GPATCH1: variants seen among roughly 807,000 people sequenced by gnomAD.
The protein encoded by GPATCH1 is G-patch domain containing 1.
GPATCH1 carries 73 observed loss-of-function variants against 114.9 expected under a neutral mutation model. The ratio of observed to expected loss-of-function variants is 0.64; its 90% CI spans 0.53 to 0.77. The LOEUF is 0.77. Ranked by LOEUF, GPATCH1 falls within the 30% of genes least tolerant of loss-of-function variation. The pLI, the probability that GPATCH1 is intolerant of heterozygous loss-of-function variation, is 0.00. For synonymous variants in GPATCH1, 391 were observed against 428.4 expected (o/e 0.91, Z 1.08); for missense variants, 1,058 against 1,144.3 (o/e 0.92, Z 1.09).
rs1461876759 is a variant in GPATCH1, at chr19:33,109,863, C to G, written c.1432C>G (p.Pro478Ala). The G allele has an allele frequency of 2.5e-6, 4 of 1,614,136 alleles. No homozygotes were observed. The South Asian group carries it at 4.4e-5, about 18-fold the overall frequency. The change falls in exon 11 of 20, where the codon CCT becomes GCT. Residue 478 changes from proline (P) to alanine (A), a missense_variant. Around this residue, in one of 3 missense-constraint regions of GPATCH1, gnomAD observed 893 missense variants for 977.4 expected, o/e 0.91. Coordinates refer to ENST00000170564, the MANE Select transcript of GPATCH1 (RefSeq NM_018025.3). ...NAQSSRAQLS[P>A]AAAAGHCSWN... ...TCAGAGCAGCAGAGCCCAGCTCTCC[C>G]CTGCAGCGGCTGCTGGGCACTGCTC...
At chr19:33,096,180 C>A in intron 6 of GPATCH1, 27 bp from the exon 7 acceptor site, 1 of 1,608,814 alleles carries the variant, frequency 6.2e-7, no homozygotes. Flanking sequence ...CAGTGACTCA[C>A]CTTAATTCCA....
At chr19:33,129,681 C>A (rs1973081179) in intron 19 of GPATCH1, among the ~76,000 whole-genome samples, 1 of 152,134 alleles carries the variant, frequency 6.6e-6, no homozygotes, top group South Asian at 2.1e-4. Context: ...GGTACGGTGG[C>A]TCATGCCTGT....
rs1221367772 is a variant in GPATCH1, at chr19:33,081,312, G to A, written c.73+46G>A. ...CGGAGCCTGTGGAAAACAGGCCAAG[G>A]GCCCAGGATTCGGGCCACAAAAGCA... On this transcript the variant is annotated intron_variant, in intron 1 of 19. Coordinates refer to ENST00000170564, the MANE Select transcript of GPATCH1 (RefSeq NM_018025.3). 2.0e-6 allele frequency: 3 copies of A among 1,475,048 alleles called. No homozygotes were observed. The East Asian group carries it at 7.4e-5, about 36-fold the overall frequency. The allele number at this position is 1,475,048 out of a possible 1,614,324, so 91.4% of individuals were successfully genotyped here.
chr19:33,119,792 G>A (rs868013336), intron 17 of GPATCH1, among the ~76,000 whole-genome samples: 1 of 151,458 alleles, frequency 6.6e-6, no homozygotes, highest in Admixed American at 6.6e-5. Flanking sequence ...GGGCGAGGTG[G>A]GAGGATTGCT....
intron 17 of GPATCH1, among the ~76,000 whole-genome samples, chr19:33,119,495 C>T (rs551079241): frequency 6.7e-5 from 10 of 150,374 alleles, no homozygotes; most frequent in East Asian, 4.0e-4. Flanking sequence ...GTCAAGAGAT[C>T]GAGACCATTC....
At chr19:33,120,036 A>G (rs1479531918) in intron 17 of GPATCH1, among the ~76,000 whole-genome samples, 1 of 137,370 alleles carries the variant, frequency 7.3e-6, no homozygotes, top group Admixed American at 7.5e-5. Context: ...ATATTTATAT[A>G]TTTATATTTT....
intron 7 of GPATCH1, among the ~76,000 whole-genome samples, chr19:33,096,786 G>GTGCCACCATT (rs1972665167): frequency 6.6e-6 from 1 of 150,614 alleles, no homozygotes; most frequent in African/African-American, 2.4e-5. Flanking sequence ...GTGCCACCAT[G>GTGCCACCATT]CCCCACTAAT....
At chr19:33,090,715 A>T in intron 2 of GPATCH1, 65 bp from the exon 3 acceptor site, 1 of 955,378 alleles carries the variant, frequency 1.0e-6, no homozygotes, top group Non-Finnish European at 1.7e-6. Flanking sequence ...CATGTTATTT[A>T]ATCATTTACT....
intron 8 of GPATCH1, among the ~76,000 whole-genome samples, chr19:33,099,130 A>C (rs1972696464): frequency 6.7e-6 from 1 of 148,652 alleles, no homozygotes; most frequent in African/African-American, 2.4e-5. Flanking sequence ...TATTTTATAT[A>C]ATTAATATAT....
chr19:33,099,495 TC>T (rs1294118780), intron 8 of GPATCH1, among the ~76,000 whole-genome samples: 4 of 151,628 alleles, frequency 2.6e-5, no homozygotes, highest in East Asian at 1.9e-4. Context: ...GCTTCCTCTC[TC>T]CCCCCCTGCA....
Position 33,106,795 on chromosome 19 carries a change from T to C in GPATCH1, c.1181T>C (p.Leu394Ser). 6.2e-7 allele frequency: 1 copy of C among 1,613,712 alleles called. No homozygotes were observed. Among genetic ancestry groups the C allele is most frequent in the Non-Finnish European group, 8.5e-7 (1 of 1,179,898 alleles). The change falls in exon 10 of 20, where the codon TTA becomes TCA. Residue 394 changes from leucine to serine, a missense_variant. By Grantham distance (145) the Leu-to-Ser change is moderately radical (BLOSUM62 -2). Transcript: ENST00000170564. ...GAGAACTCACACTTACTGCAGGTAT[T>C]ATCAGAGTCAGCTGGAAAGGCAACG... ...TSENSHLLQV[L>S]SESAGKATPD...
At chr19:33,112,796 AAAAC>A (rs1215696256) in intron 13 of GPATCH1, 183 bp downstream of exon 13, 20 of 483,888 alleles carry the variant, frequency 4.1e-5, no homozygotes, top group African/African-American at 1.2e-4. Flanking sequence ...ATTTGTTACT[AAAAC>A]AAAATCTGGA....
intron 2 of GPATCH1, 135 bp from the exon 3 acceptor site, chr19:33,090,635 TTACGTCTATA>T: frequency 3.5e-6 from 2 of 563,438 alleles, no homozygotes; most frequent in South Asian, 4.9e-5. Flanking sequence ...TGTGGAATAA[TTACGTCTATA>T]TAAGCACTGA....
At chr19:33,105,424 A>G (rs1349603102) in intron 9 of GPATCH1, among the ~76,000 whole-genome samples, 1 of 151,410 alleles carries the variant, frequency 6.6e-6, no homozygotes, top group Non-Finnish European at 1.5e-5. Flanking sequence ...AAAAAAAAAA[A>G]AAAAGAAAAA....
At chr19:33,092,928 C>T (rs1014129026) in intron 3 of GPATCH1, among the ~76,000 whole-genome samples, 2 of 152,182 alleles carry the variant, frequency 1.3e-5, no homozygotes, top group African/African-American at 4.8e-5. Flanking sequence ...GTGGCTCATG[C>T]CTGTAATCCC....
chr19:33,105,437 A>G (rs1436296059), intron 9 of GPATCH1, among the ~76,000 whole-genome samples: 1 of 151,656 alleles, frequency 6.6e-6, no homozygotes, highest in African/African-American at 2.4e-5. Flanking sequence ...AAGAAAAAGA[A>G]AAAAGAAAGC....
At position 33,113,872 on chromosome 19, in the gene GPATCH1, T is replaced by C. The variant is rs1972886861; in HGVS notation, c.1998T>C (p.Ser666=). 1 of 1,613,970 alleles carries C rather than the reference T, an allele frequency of 6.2e-7. No individual in the cohort carries two copies. Among genetic ancestry groups the C allele is most frequent in the Non-Finnish European group, 8.5e-7 (1 of 1,179,960 alleles). Reference sequence around the variant, plus strand: ...CCTTGCCCACCACTCAAGCATCAAGTGAAAAAGTATCACAGCACCGAGGTC... The same window carrying C: ...CCTTGCCCACCACTCAAGCATCAAGCGAAAAAGTATCACAGCACCGAGGTC... ...TASLPTTQAS[S]EKVSQHRGPD... Residue 666 remains serine (S), a synonymous_variant, in exon 14 of 20, where the codon AGT becomes AGC. Coordinates refer to ENST00000170564, the MANE Select transcript of GPATCH1 (RefSeq NM_018025.3).
intron 1 of GPATCH1, among the ~76,000 whole-genome samples, chr19:33,087,586 T>C (rs1972546024): frequency 6.6e-6 from 1 of 152,064 alleles, no homozygotes; most frequent in Admixed American, 6.6e-5. Flanking sequence ...GGTATGGAAG[T>C]GTATCTCTCC....
chr19:33,115,999 T>C (rs916255705), intron 15 of GPATCH1, among the ~76,000 whole-genome samples: 1 of 152,194 alleles, frequency 6.6e-6, no homozygotes, highest in African/African-American at 2.4e-5. Context: ...ATAATTTTTA[T>C]ATTCCATTTG....
Sources: gnomAD v4.1 joint callset for allele counts (sites outside exome capture counted in the v4.1 genomes callset) on GRCh38, gnomAD v4.1.1 for gene constraint, gnomAD v4.1.1 regional missense constraint, MANE v1.5 for transcripts, NCBI Gene and HGNC (gene_info 2026-07-23, HGNC 2026-07-21) for gene names.